The following NEIL3 variants were observed in gnomAD, a reference collection of about 807,000 sequenced individuals.
The protein encoded by NEIL3 is nei like DNA glycosylase 3.
Under a neutral mutation model 57.5 loss-of-function variants are expected in NEIL3, and 48 were observed. The observed-to-expected ratio is 0.83, with a 90% CI of 0.66 to 1.06. The LOEUF (loss-of-function observed/expected upper bound fraction) is 1.06. NEIL3 is among the 50% of genes least tolerant of loss of function. The probability of loss-of-function intolerance (pLI) is 0.00; values close to 1 mark genes in which losing one functional copy is unlikely to be tolerated. For synonymous variants in NEIL3, 261 were observed against 253.2 expected (o/e 1.03, Z -0.29); for missense variants, 717 against 739.1 (o/e 0.97, Z 0.35).
chr4:177,324,364 G>A (rs34701776), intron 2 of NEIL3, among the ~76,000 whole-genome samples: 106 of 152,250 alleles, frequency 7.0e-4, no homozygotes, highest in African/African-American at 2.4e-3. Flanking sequence ...CATAAAGTGT[G>A]TGCATCTCAT....
intron 6 of NEIL3, among the ~76,000 whole-genome samples, chr4:177,347,538 T>A (rs1165269639): frequency 1.3e-5 from 2 of 152,140 alleles, no homozygotes; most frequent in Admixed American, 6.5e-5. Context: ...ATGAAGTGAC[T>A]TGGGTTTTCT....
chr4:177,320,466 CTTTTTTTTTTTTT>C lies in NEIL3; in HGVS notation c.157-1976_157-1964del, dbSNP rs34353849. Among the ~76,000 whole-genome samples, 7 of 77,420 alleles carry C rather than the reference CTTTTTTTTTTTTT, an allele frequency of 9.0e-5. No homozygotes were observed. In the East Asian group the frequency reaches 2.3e-3, roughly 25 times the overall value. The allele number at this position is 77,420 out of a possible 152,430, so 50.8% of individuals were successfully genotyped here. ...GTGCAGAACAGGAAGTGACTGCTGT[CTTTTTTTTTTTTT>C]TTTTTTTTTTTTTTTTGAAACGGAG... On this transcript the variant is annotated intron_variant, in intron 1 of 9. Transcript: ENST00000264596.
At chr4:177,337,490 C>T (rs1337788210) in intron 4 of NEIL3, among the ~76,000 whole-genome samples, 1 of 152,068 alleles carries the variant, frequency 6.6e-6, no homozygotes, top group Non-Finnish European at 1.5e-5. Flanking sequence ...ACTTGGAACA[C>T]GTGAGTTCAG....
At chr4:177,316,098 G>A (rs943447709) in intron 1 of NEIL3, among the ~76,000 whole-genome samples, 4 of 152,080 alleles carry the variant, frequency 2.6e-5, no homozygotes, top group African/African-American at 9.7e-5. Context: ...GGTACAGTAG[G>A]AGATTAATAG....
chr4:177,349,595 C>T (rs919135722), intron 6 of NEIL3, among the ~76,000 whole-genome samples: 7 of 152,168 alleles, frequency 4.6e-5, no homozygotes, highest in African/African-American at 1.7e-4. Flanking sequence ...TCTGCAAACC[C>T]TCCTTCTTTA....
chr4:177,351,179 G>A (rs6829889), intron 6 of NEIL3, among the ~76,000 whole-genome samples: 2 of 113,554 alleles, frequency 1.8e-5, no homozygotes, highest in East Asian at 5.9e-4. Context: ...GCTGCAACCT[G>A]GATGACAGAG....
At chr4:177,346,046 A>C (rs1318553348) in intron 6 of NEIL3, among the ~76,000 whole-genome samples, 1 of 152,178 alleles carries the variant, frequency 6.6e-6, no homozygotes, top group Non-Finnish European at 1.5e-5. Context: ...ACAAATATTC[A>C]ATAAATATAG....
intron 2 of NEIL3, among the ~76,000 whole-genome samples, chr4:177,323,504 T>C (rs1734727049): frequency 6.6e-6 from 1 of 152,204 alleles, no homozygotes; most frequent in African/African-American, 2.4e-5. Context: ...TGTAATTGCT[T>C]TTCCTTTGAG....
chr4:177,353,214 G>A, intron 7 of NEIL3, 94 bp from the exon 8 acceptor site: 1 of 1,080,416 alleles, frequency 9.3e-7, no homozygotes, highest in Non-Finnish European at 1.4e-6. Context: ...GTAATAAAGT[G>A]AAGTAAATTT....
At chr4:177,354,021 C>T (rs1278698033) in intron 8 of NEIL3, 2 of 284,052 alleles carry the variant, frequency 7.0e-6, no homozygotes, top group African/African-American at 4.5e-5. Flanking sequence ...CCACCTCCGC[C>T]TCTCAAGGTG....
intron 2 of NEIL3, among the ~76,000 whole-genome samples, chr4:177,324,470 C>A (rs1734742013): frequency 6.6e-6 from 1 of 152,154 alleles, no homozygotes; most frequent in Admixed American, 6.5e-5. Flanking sequence ...CTAAAAGAAT[C>A]TGCCCTGTAA....
chr4:177,346,811 C>G (rs1033440147), intron 6 of NEIL3, among the ~76,000 whole-genome samples: 9 of 152,002 alleles, frequency 5.9e-5, no homozygotes, highest in Admixed American at 1.3e-4. Context: ...ACCAGCCTGG[C>G]CAATGTGGGA....
intron 6 of NEIL3, among the ~76,000 whole-genome samples, chr4:177,344,924 TAAAGAA>T (rs1735180938): frequency 6.6e-6 from 1 of 152,196 alleles, no homozygotes; most frequent in Non-Finnish European, 1.5e-5. Flanking sequence ...TTATTTCCTT[TAAAGAA>T]AACAGAGGAG....
intron 2 of NEIL3, among the ~76,000 whole-genome samples, chr4:177,333,091 T>A (rs1251283892): frequency 6.6e-6 from 1 of 152,094 alleles, no homozygotes; most frequent in Non-Finnish European, 1.5e-5. Flanking sequence ...ATTCCCAGCA[T>A]AGGTTTTACA....
At chr4:177,326,478 T>C (rs1734782036) in intron 2 of NEIL3, among the ~76,000 whole-genome samples, 1 of 152,134 alleles carries the variant, frequency 6.6e-6, no homozygotes, top group African/African-American at 2.4e-5. Flanking sequence ...TTAAAGTCAG[T>C]TTAAATTAAG....
Position 177,360,687 on chromosome 4 carries a change from A to C in NEIL3, c.1635+10A>C. On this transcript the variant is annotated intron_variant, in intron 9 of 9. Transcript: ENST00000264596. The stretch of plus-strand genomic sequence containing the variant: ...ATGTGGATTTTTTGAAGTATGTGTA[A>C]GATTTATCTAGCTTACTAAAATGTA... 2 of 1,580,986 alleles carry C rather than the reference A, an allele frequency of 1.3e-6. No homozygotes were observed. Among genetic ancestry groups the C allele is most frequent in the South Asian group, 1.2e-5 (1 of 86,560 alleles).
intron 2 of NEIL3, among the ~76,000 whole-genome samples, chr4:177,329,649 A>G (rs1449449081): frequency 1.3e-5 from 2 of 152,206 alleles, no homozygotes; most frequent in African/African-American, 4.8e-5. Context: ...TCTTGTCAGT[A>G]ACTGATAGAA....
intron 8 of NEIL3, among the ~76,000 whole-genome samples, chr4:177,358,029 ATAAAAT>A (rs1325986267): frequency 1.3e-5 from 2 of 152,198 alleles, no homozygotes; most frequent in African/African-American, 2.4e-5. Context: ...GTTGTCTATC[ATAAAAT>A]TAAGATTAGC....
intron 8 of NEIL3, among the ~76,000 whole-genome samples, chr4:177,356,521 T>C (rs1271885573): frequency 6.6e-6 from 1 of 152,186 alleles, no homozygotes; most frequent in Non-Finnish European, 1.5e-5. Context: ...TTTATTTCAT[T>C]TTTCTCCTTG....
Sources: gnomAD v4.1 joint callset for allele counts (sites outside exome capture counted in the v4.1 genomes callset) on GRCh38, gnomAD v4.1.1 for gene constraint, MANE v1.5 for transcripts, NCBI Gene and HGNC (gene_info 2026-07-23, HGNC 2026-07-21) for gene names.